The following SYNPR variants were observed in gnomAD, a reference collection of about 807,000 sequenced individuals.
SYNPR encodes the protein synaptoporin.
Under a neutral mutation model 32.9 loss-of-function variants are expected in SYNPR, and 23 were observed. The observed-to-expected ratio is 0.70, with a 90% CI of 0.50 to 0.99. The LOEUF is 0.99. Among genes scored for constraint, SYNPR ranks in the 50% least tolerant of loss-of-function variants. SYNPR has a pLI of 0.00. For synonymous variants in SYNPR, 146 were observed against 135.9 expected (o/e 1.07, Z -0.52); for missense variants, 318 against 349.3 (o/e 0.91, Z 0.71).
chr3:63,492,506 G>A lies in SYNPR; in HGVS notation c.209+11550G>A, dbSNP rs138879994. 7.1e-3 allele frequency among the ~76,000 whole-genome samples: 1,080 copies of A among 152,302 alleles called. 4 individuals are homozygous for A. The highest frequency in any genetic ancestry group is 0.017 in the Middle Eastern group (5 of 294). ...ATTTATATAAGACTCTTTGAACCTCGTAGGGCTTGCTCTGAAGCTTGTTCT... is the reference window on the plus strand; with the variant it reads ...ATTTATATAAGACTCTTTGAACCTCATAGGGCTTGCTCTGAAGCTTGTTCT... On this transcript the variant is annotated intron_variant, in intron 3 of 5. Coordinates refer to ENST00000478300, the MANE Select transcript of SYNPR (RefSeq NM_001130003.2).
intron 4 of SYNPR, among the ~76,000 whole-genome samples, chr3:63,606,622 A>T (rs1700127314): frequency 6.6e-6 from 1 of 151,706 alleles, no homozygotes; most frequent in South Asian, 2.1e-4. Context: ...GTAGTGATGA[A>T]GTCTCACTGT....
intron 4 of SYNPR, among the ~76,000 whole-genome samples, chr3:63,587,120 C>T (rs544998742): frequency 3.2e-4 from 48 of 151,544 alleles, no homozygotes; most frequent in African/African-American, 1.1e-3. Context: ...CGTCAGAATC[C>T]AGTTTGAAAA....
chr3:63,510,494 C>T (rs992129778), intron 3 of SYNPR, among the ~76,000 whole-genome samples: 1 of 152,052 alleles, frequency 6.6e-6, no homozygotes, highest in Non-Finnish European at 1.5e-5. Flanking sequence ...GAAATATGAA[C>T]GTGCCAGTTG....
intron 4 of SYNPR, among the ~76,000 whole-genome samples, chr3:63,606,377 T>C (rs182951344): frequency 6.7e-6 from 1 of 149,618 alleles, no homozygotes. Flanking sequence ...GACTTCTTAC[T>C]ATTTTTTATA....
chr3:63,250,875 A>C (rs562134240), intron 1 of SYNPR, among the ~76,000 whole-genome samples: 2 of 152,284 alleles, frequency 1.3e-5, no homozygotes, highest in South Asian at 4.1e-4. Context: ...GACCCATTAA[A>C]TTAATGTTAC....
intron 2 of SYNPR, among the ~76,000 whole-genome samples, chr3:63,416,117 C>T (rs537086821): frequency 6.6e-6 from 1 of 152,370 alleles, no homozygotes; most frequent in East Asian, 1.9e-4. Flanking sequence ...CTGAACTTTA[C>T]ATTTCAGTTC....
At chr3:63,279,797 G>A (rs1045871226) in intron 2 of SYNPR, among the ~76,000 whole-genome samples, 1 of 152,134 alleles carries the variant, frequency 6.6e-6, no homozygotes, top group Non-Finnish European at 1.5e-5. Context: ...TTGTTTACAC[G>A]GATGATCTAC....
intron 2 of SYNPR, among the ~76,000 whole-genome samples, chr3:63,381,300 A>G (rs1485973891): frequency 6.6e-6 from 1 of 152,222 alleles, no homozygotes; most frequent in East Asian, 1.9e-4. Flanking sequence ...ACTCCCATTC[A>G]CAATTGCTTC....
chr3:63,204,747 A>T, the SYNPR span, among the ~76,000 whole-genome samples: 3 of 151,906 alleles, frequency 2.0e-5, no homozygotes, highest in South Asian at 4.2e-4. Context: ...GCAGTGGCAC[A>T]GTCTAGACTC....
At chr3:63,574,422 C>T (rs923501860) in intron 4 of SYNPR, among the ~76,000 whole-genome samples, 1 of 152,082 alleles carries the variant, frequency 6.6e-6, no homozygotes, top group Non-Finnish European at 1.5e-5. Context: ...GGGTTAAGTG[C>T]TCTTCCCATG....
intron 2 of SYNPR, among the ~76,000 whole-genome samples, chr3:63,364,651 T>A (rs1271777101): frequency 6.6e-6 from 1 of 152,216 alleles, no homozygotes; most frequent in Non-Finnish European, 1.5e-5. Context: ...GGAGTGTTGA[T>A]GGTCTCTGTC....
At chr3:63,335,624 G>C (rs986342520) in intron 2 of SYNPR, among the ~76,000 whole-genome samples, 1 of 152,090 alleles carries the variant, frequency 6.6e-6, no homozygotes, top group South Asian at 2.1e-4. Flanking sequence ...CAAGGTATTC[G>C]CTTGGCATAC....
intron 4 of SYNPR, among the ~76,000 whole-genome samples, chr3:63,593,371 T>C (rs1403013000): frequency 6.6e-6 from 1 of 152,142 alleles, no homozygotes; most frequent in Non-Finnish European, 1.5e-5. Flanking sequence ...TGCAGAAAGC[T>C]ATTGAAGACT....
At chr3:63,498,057 C>T (rs1448021152) in intron 3 of SYNPR, among the ~76,000 whole-genome samples, 5 of 152,242 alleles carry the variant, frequency 3.3e-5, no homozygotes, top group Middle Eastern at 3.4e-3. Flanking sequence ...TACTCAGAGA[C>T]GTGTTGAACT....
chr3:63,556,435 T>C (rs1702595439), intron 3 of SYNPR, 108 bp from the exon 4 acceptor site: 4 of 977,440 alleles, frequency 4.1e-6, no homozygotes, highest in Middle Eastern at 3.3e-4. Context: ...AGGCATGCAC[T>C]AAAACTCCCA....
At chr3:63,566,687 G>C (rs1281749593) in intron 4 of SYNPR, among the ~76,000 whole-genome samples, 4 of 152,124 alleles carry the variant, frequency 2.6e-5, no homozygotes, top group African/African-American at 4.8e-5. Flanking sequence ...TCTACCATCT[G>C]TATGACTTTG....
At chr3:63,219,011 G>T in the SYNPR span, among the ~76,000 whole-genome samples, 1 of 152,210 alleles carries the variant, frequency 6.6e-6, no homozygotes, top group Admixed American at 6.5e-5. Flanking sequence ...TTAGAGTCTA[G>T]TGAGAGAGAC....
intron 2 of SYNPR, among the ~76,000 whole-genome samples, chr3:63,476,151 G>GGAAGGAAGGAAGGA (rs1559510421): frequency 3.4e-5 from 1 of 29,590 alleles, no homozygotes. Flanking sequence ...GGAAGGAAGG[G>GGAAGGAAGGAAGGA]AGGGAGGGAG....
chr3:63,293,112 G>C (rs1020315593), intron 2 of SYNPR, among the ~76,000 whole-genome samples: 2 of 152,282 alleles, frequency 1.3e-5, no homozygotes, highest in Non-Finnish European at 1.5e-5. Flanking sequence ...ATGAGTTCTT[G>C]CTACATGCCA....
Sources: allele counts gnomAD v4.1 joint callset (sites outside exome capture counted in the v4.1 genomes callset), GRCh38; gene constraint gnomAD v4.1.1; transcripts MANE v1.5; gene names NCBI Gene and HGNC (gene_info 2026-07-23, HGNC 2026-07-21).